EYA4: variants seen among roughly 807,000 people sequenced by gnomAD.
EYA4 encodes protein phosphatase EYA4.
In EYA4, 31 loss-of-function variants were observed where a neutral mutation model predicts 87.9. The observed-to-expected ratio is 0.35, with a 90% CI of 0.27 to 0.48. EYA4 has a LOEUF of 0.48. EYA4 is among the 20% of genes least tolerant of loss of function. The pLI, the probability that EYA4 is intolerant of heterozygous loss-of-function variation, is 0.99. For missense variants in EYA4, 678 were observed against 761.4 expected (o/e 0.89, Z 1.29); for synonymous variants, 263 against 270.6 (o/e 0.97, Z 0.28).
At chr6:133,420,106 T>G (rs536868593) in intron 3 of EYA4, among the ~76,000 whole-genome samples, 1 of 152,190 alleles carries the variant, frequency 6.6e-6, no homozygotes, top group South Asian at 2.1e-4. Flanking sequence ...TCTAAGGAGA[T>G]CTGTAATTCT....
At chr6:133,288,554 A>T (rs1030019447) in intron 2 of EYA4, among the ~76,000 whole-genome samples, 2 of 152,126 alleles carry the variant, frequency 1.3e-5, no homozygotes. Flanking sequence ...AGAACATGTT[A>T]AACTAGCAAT....
chr6:133,479,570 G>C (rs1052009594), intron 11 of EYA4, among the ~76,000 whole-genome samples: 2 of 151,916 alleles, frequency 1.3e-5, no homozygotes, highest in African/African-American at 4.8e-5. Flanking sequence ...CCTCAGAATT[G>C]TTTTATTTTA....
chr6:133,287,250 G>A (rs1022414571), intron 2 of EYA4, among the ~76,000 whole-genome samples: 6 of 152,128 alleles, frequency 3.9e-5, no homozygotes, highest in African/African-American at 1.4e-4. Flanking sequence ...TATTGCAAAG[G>A]TAACAGTACT....
At chr6:133,350,946 C>A (rs533708164) in intron 2 of EYA4, among the ~76,000 whole-genome samples, 1 of 151,552 alleles carries the variant, frequency 6.6e-6, no homozygotes, top group East Asian at 1.9e-4. Context: ...ATTATATTAT[C>A]TCTGTTATTT....
At chr6:133,432,637 C>T (rs1791290717) in intron 3 of EYA4, among the ~76,000 whole-genome samples, 1 of 151,898 alleles carries the variant, frequency 6.6e-6, no homozygotes, top group South Asian at 2.1e-4. Context: ...TTTAATGGCT[C>T]CTATTCAGGG....
In EYA4 at chr6:133,512,798, TA is replaced by T; in HGVS notation, c.1340+20del. 1 of 1,612,354 alleles carries T rather than the reference TA, an allele frequency of 6.2e-7. No homozygotes were observed. Among genetic ancestry groups the T allele is most frequent in the Non-Finnish European group, 8.5e-7 (1 of 1,178,332 alleles). ...ACTTAAGGTAAGCTATGCCTTTCAG[TA>T]TGCTGTTTCCTACAGAAATTCGGCT... On this transcript the variant is annotated intron_variant, in intron 15 of 19. Transcript: ENST00000355286.
intron 1 of EYA4, among the ~76,000 whole-genome samples, chr6:133,245,388 C>G (rs1774322854): frequency 5.9e-5 from 9 of 152,182 alleles, no homozygotes; most frequent in Admixed American, 5.9e-4. Flanking sequence ...ATAATCTTGA[C>G]AGTTTCTTTT....
At chr6:133,509,162 GTTACATACAT>G (rs1332730835) in intron 14 of EYA4, among the ~76,000 whole-genome samples, 2 of 152,138 alleles carry the variant, frequency 1.3e-5, no homozygotes, top group Non-Finnish European at 2.9e-5. Flanking sequence ...ATTCAGTACA[GTTACATACAT>G]AGCGCCCTAT....
At chr6:133,514,699 T>C (rs1799440506) in intron 16 of EYA4, among the ~76,000 whole-genome samples, 1 of 152,228 alleles carries the variant, frequency 6.6e-6, no homozygotes, top group Non-Finnish European at 1.5e-5. Flanking sequence ...CACATCTATC[T>C]TTTTTCTTTT....
intron 2 of EYA4, among the ~76,000 whole-genome samples, chr6:133,347,187 T>A (rs1426572889): frequency 6.6e-6 from 1 of 152,216 alleles, no homozygotes; most frequent in Non-Finnish European, 1.5e-5. Flanking sequence ...CATGATATCC[T>A]TTTCATATCT....
At chr6:133,464,696 C>T (rs1794696428) in intron 9 of EYA4, 83 bp from the exon 10 acceptor site, 2 of 889,962 alleles carry the variant, frequency 2.2e-6, no homozygotes, top group Non-Finnish European at 3.7e-6. Flanking sequence ...CAAAGTGTTT[C>T]TCTCACAGAA....
chr6:133,426,227 G>T lies in EYA4; in HGVS notation c.84-20403G>T, dbSNP rs879546383. On this transcript the variant is annotated intron_variant, in intron 3 of 19. Coordinates refer to ENST00000355286, the MANE Select transcript of EYA4 (RefSeq NM_004100.5). Reference sequence around the variant, plus strand: ...TGCTAGACTGTGACCACAGCAAGTGGCTTTTTACCTTTGAATCTAGTAACA... The same window carrying T: ...TGCTAGACTGTGACCACAGCAAGTGTCTTTTTACCTTTGAATCTAGTAACA... Among the ~76,000 whole-genome samples, 14 of 152,180 alleles carry T rather than the reference G, an allele frequency of 9.2e-5. 1 individual carries two copies. The highest frequency in any genetic ancestry group is 9.2e-4 in the Admixed American group (14 of 15,282).
At chr6:133,346,296 GT>G (rs933782500) in intron 2 of EYA4, among the ~76,000 whole-genome samples, 3 of 151,952 alleles carry the variant, frequency 2.0e-5, no homozygotes, top group African/African-American at 4.8e-5. Flanking sequence ...TAGTCATTCA[GT>G]TTTTTTTCCC....
Position 133,248,236 on chromosome 6 carries a change from C to T in EYA4, c.-66+6487C>T, listed in dbSNP as rs1017018112. On this transcript the variant is annotated intron_variant, in intron 1 of 19. Transcript: ENST00000355286. Reference sequence around the variant, plus strand: ...AACTTGACATGACTTTAGATTTTCACGTAAATTATTGCTACTATTTCTGTT... The same window carrying T: ...AACTTGACATGACTTTAGATTTTCATGTAAATTATTGCTACTATTTCTGTT... The T allele has an allele frequency of 4.6e-5, 7 of 152,254 alleles. No individual in the cohort carries two copies. The South Asian group carries it at 8.3e-4, about 18-fold the overall frequency. 9.4% of individuals were successfully genotyped at this position (152,254 alleles called of 1,614,324 possible). A position where few individuals can be genotyped will look rare whatever the true frequency, so the allele number is the denominator to read the frequency against.
chr6:133,350,229 G>C (rs928708019), intron 2 of EYA4, among the ~76,000 whole-genome samples: 3 of 152,074 alleles, frequency 2.0e-5, no homozygotes, highest in Admixed American at 1.3e-4. Flanking sequence ...CTAGGTGCCA[G>C]GGTTACAAGA....
chr6:133,383,888 C>T (rs570919800), intron 3 of EYA4, among the ~76,000 whole-genome samples: 1 of 152,294 alleles, frequency 6.6e-6, no homozygotes, highest in African/African-American at 2.4e-5. Context: ...GAAGGGAAGA[C>T]TGGGGCTCTA....
At chr6:133,528,429 T>C (rs752963047) in intron 19 of EYA4, among the ~76,000 whole-genome samples, 1 of 152,216 alleles carries the variant, frequency 6.6e-6, no homozygotes, top group African/African-American at 2.4e-5. Flanking sequence ...CAGATGTTGA[T>C]GTTGGTAGCG....
intron 2 of EYA4, among the ~76,000 whole-genome samples, chr6:133,327,392 A>T (rs1423087149): frequency 1.3e-5 from 2 of 152,102 alleles, no homozygotes; most frequent in East Asian, 3.9e-4. Context: ...TTGACATCCC[A>T]AAGTGCTGGG....
chr6:133,438,164 T>G (rs1791886863), intron 3 of EYA4, among the ~76,000 whole-genome samples: 1 of 152,168 alleles, frequency 6.6e-6, no homozygotes, highest in African/African-American at 2.4e-5. Flanking sequence ...CTCTGTTCTC[T>G]GAAGACTTTT....
Sources: allele counts gnomAD v4.1 joint callset (sites outside exome capture counted in the v4.1 genomes callset), GRCh38; gene constraint gnomAD v4.1.1; transcripts MANE v1.5; gene names NCBI Gene and HGNC (gene_info 2026-07-23, HGNC 2026-07-21).